NKAIN3: variants seen among roughly 807,000 people sequenced by gnomAD.
NKAIN3 encodes the protein sodium/potassium-transporting ATPase subunit beta-1-interacting protein 3.
Under a neutral mutation model 30.2 loss-of-function variants are expected in NKAIN3, and 25 were observed. The ratio of observed to expected loss-of-function variants is 0.83; its 90% CI spans 0.60 to 1.16. NKAIN3 has a LOEUF of 1.16. NKAIN3 is among the 50% of genes most tolerant of loss of function. The pLI, the probability that NKAIN3 is intolerant of heterozygous loss-of-function variation, is 0.00. For synonymous variants in NKAIN3, 91 were observed against 89.6 expected (o/e 1.02, Z -0.09); for missense variants, 225 against 254.1 (o/e 0.89, Z 0.78).
At chr8:62,428,379 A>C (rs908598447) in intron 1 of NKAIN3, among the ~76,000 whole-genome samples, 10 of 151,992 alleles carry the variant, frequency 6.6e-5, no homozygotes, top group Non-Finnish European at 1.2e-4. Context: ...TTGCTAGCTC[A>C]TATGGTAGTT....
At chr8:62,900,378 G>A (rs7831801) in intron 4 of NKAIN3, among the ~76,000 whole-genome samples, 2,595 of 152,210 alleles carry the variant, frequency 0.017, 90 homozygotes, top group African/African-American at 0.059. Context: ...ATCATCCTGG[G>A]GATTACAGTA....
intron 3 of NKAIN3, among the ~76,000 whole-genome samples, chr8:62,690,174 G>C (rs1174966194): frequency 6.6e-6 from 1 of 152,006 alleles, no homozygotes; most frequent in African/African-American, 2.4e-5. Flanking sequence ...ACCAGTCCCG[G>C]AGTTTTTCCC....
At chr8:62,747,279 T>G in intron 4 of NKAIN3, 150 bp downstream of exon 4, 1 of 573,218 alleles carries the variant, frequency 1.7e-6, no homozygotes, top group Non-Finnish European at 3.1e-6. Context: ...TAGTTATACC[T>G]GATGGCAGGT....
At chr8:62,687,120 T>C (rs914847372) in intron 3 of NKAIN3, among the ~76,000 whole-genome samples, 1 of 152,226 alleles carries the variant, frequency 6.6e-6, no homozygotes, top group African/African-American at 2.4e-5. Flanking sequence ...ATAAATTTTC[T>C]AATTATTAAC....
chr8:62,648,531 A>T (rs1004345601), intron 3 of NKAIN3, among the ~76,000 whole-genome samples: 1 of 152,112 alleles, frequency 6.6e-6, no homozygotes, highest in Non-Finnish European at 1.5e-5. Flanking sequence ...GAAGTGAGGT[A>T]AGAAAGTCAA....
At position 62,874,540 on chromosome 8, in the gene NKAIN3, T is replaced by C. The variant is rs192433445; in HGVS notation, c.472-43913T>C. On this transcript the variant is annotated intron_variant, in intron 4 of 6. Coordinates refer to ENST00000623646, the MANE Select transcript of NKAIN3 (RefSeq NM_001304533.3). ...AAAGAAAACTTCAGGCAAATATCCC[T>C]GATGAACATCAATGCAAAAATCCTC... 2.3e-3 allele frequency among the ~76,000 whole-genome samples: 347 copies of C among 152,330 alleles called. 1 individual carries two copies. Among genetic ancestry groups the C allele is most frequent in the Non-Finnish European group, 3.4e-3 (229 of 68,026 alleles).
intron 1 of NKAIN3, among the ~76,000 whole-genome samples, chr8:62,533,066 C>A (rs1424008570): frequency 1.3e-5 from 2 of 151,762 alleles, no homozygotes; most frequent in African/African-American, 4.8e-5. Context: ...GTGGGGGAGA[C>A]AACAGAAATA....
chr8:62,689,856 G>A (rs574674605), intron 3 of NKAIN3, among the ~76,000 whole-genome samples: 24 of 151,904 alleles, frequency 1.6e-4, no homozygotes, highest in Admixed American at 9.8e-4. Context: ...GGACCTGAAC[G>A]AGCCCTGAGA....
chr8:62,832,972 A>C (rs576726572), intron 4 of NKAIN3, among the ~76,000 whole-genome samples: 1 of 152,194 alleles, frequency 6.6e-6, no homozygotes, highest in African/African-American at 2.4e-5. Flanking sequence ...ATTCAACAAA[A>C]CTTAACATAC....
At chr8:62,416,942 A>C (rs1488848880) in intron 1 of NKAIN3, among the ~76,000 whole-genome samples, 1 of 151,908 alleles carries the variant, frequency 6.6e-6, no homozygotes, top group African/African-American at 2.4e-5. Context: ...CAGTGAGCTG[A>C]GATCACACCA....
At chr8:62,402,460 A>G (rs984141179) in intron 1 of NKAIN3, among the ~76,000 whole-genome samples, 1 of 152,208 alleles carries the variant, frequency 6.6e-6, no homozygotes, top group African/African-American at 2.4e-5. Context: ...TGTACTTTCC[A>G]TAATCCCCAC....
At position 62,918,474 on chromosome 8, in the gene NKAIN3, T is replaced by C; in HGVS notation, c.493T>C (p.Cys165Arg). The C allele has an allele frequency of 6.2e-7, 1 of 1,613,190 alleles. No individual in the cohort carries two copies. The highest frequency in any genetic ancestry group is 8.5e-7 in the Non-Finnish European group (1 of 1,179,260). The change falls in exon 5 of 7, where the codon TGT becomes CGT. Residue 165 changes from cysteine (C) to arginine (R), a missense_variant. Cys to Arg is a radical substitution (Grantham distance 180). Transcript: ENST00000623646. ...GCAGTTGGTGGGTTTTGTGTATGCC[T>C]GTTATGTGATCAGTATTTCCATGGA... ...LLSLVGFVYA[C>R]YVISISMEEE...
chr8:62,567,847 G>T (rs1809807152), intron 1 of NKAIN3, among the ~76,000 whole-genome samples: 1 of 152,070 alleles, frequency 6.6e-6, no homozygotes, highest in Non-Finnish European at 1.5e-5. Context: ...AAAGTAAAAA[G>T]ATTATAAAGT....
At position 62,394,766 on chromosome 8, in the gene NKAIN3, A is replaced by C. The variant is rs893005438; in HGVS notation, c.54+145639A>C. ...GGGTGGCGGCTGGGCAGAGGCGCTCATCACTTCTCAGATGGTGGGGCGGCC... is the reference window on the plus strand; with the variant it reads ...GGGTGGCGGCTGGGCAGAGGCGCTCCTCACTTCTCAGATGGTGGGGCGGCC... On this transcript the variant is annotated intron_variant, in intron 1 of 6. Coordinates refer to ENST00000623646, the MANE Select transcript of NKAIN3 (RefSeq NM_001304533.3). Among the ~76,000 whole-genome samples, 912 of 139,750 alleles carry C rather than the reference A, an allele frequency of 6.5e-3. 4 individuals are homozygous for C. The highest frequency in any genetic ancestry group is 0.018 in the Middle Eastern group (4 of 228). 91.7% of individuals were successfully genotyped at this position (139,750 alleles called of 152,430 possible). A position where few individuals can be genotyped will look rare whatever the true frequency, so the allele number is the denominator to read the frequency against.
intron 1 of NKAIN3, among the ~76,000 whole-genome samples, chr8:62,375,493 G>C (rs1817046967): frequency 6.6e-6 from 1 of 152,098 alleles, no homozygotes; most frequent in Non-Finnish European, 1.5e-5. Context: ...CATAGTTTAG[G>C]CTACTTAGTA....
intron 4 of NKAIN3, among the ~76,000 whole-genome samples, chr8:62,844,522 G>A (rs1819617900): frequency 6.6e-6 from 1 of 152,118 alleles, no homozygotes; most frequent in Non-Finnish European, 1.5e-5. Flanking sequence ...AATGAAAAAT[G>A]TTACTTTTTA....
chr8:62,410,300 T>C (rs1229450051), intron 1 of NKAIN3, among the ~76,000 whole-genome samples: 2 of 152,254 alleles, frequency 1.3e-5, no homozygotes, highest in Non-Finnish European at 2.9e-5. Flanking sequence ...ATTATTTTTT[T>C]GTGGCTGTGT....
chr8:62,444,611 C>A (rs1172961480), intron 1 of NKAIN3, among the ~76,000 whole-genome samples: 2 of 152,134 alleles, frequency 1.3e-5, no homozygotes, highest in Admixed American at 6.5e-5. Context: ...TTTTCTTTAT[C>A]CATTAATGGA....
At chr8:62,665,355 G>A (rs913770736) in intron 3 of NKAIN3, among the ~76,000 whole-genome samples, 6 of 151,304 alleles carry the variant, frequency 4.0e-5, no homozygotes, top group Admixed American at 6.6e-5. Context: ...TTGAGTAAAA[G>A]AGATTTACCA....
Sources: allele counts gnomAD v4.1 joint callset (sites outside exome capture counted in the v4.1 genomes callset), GRCh38; gene constraint gnomAD v4.1.1; transcripts MANE v1.5; gene names NCBI Gene and HGNC (gene_info 2026-07-23, HGNC 2026-07-21).